CCDC85A: variants seen among roughly 807,000 people sequenced by gnomAD.
CCDC85A encodes the protein coiled-coil domain-containing protein 85A.
CCDC85A carries 38 observed loss-of-function variants against 50.2 expected under a neutral mutation model. The observed-to-expected ratio is 0.76, with a 90% CI of 0.58 to 0.99. CCDC85A has a LOEUF of 0.99. Ranked by LOEUF, CCDC85A falls within the 50% of genes least tolerant of loss-of-function variation. The pLI is 0.00. For missense variants in CCDC85A, 820 were observed against 742.0 expected, an observed-to-expected ratio of 1.11 and a Z score of -1.22; for synonymous variants, 366 against 301.4, an observed-to-expected ratio of 1.21 and a Z score of -2.22.
At chr2:56,206,748 G>A (rs1009161873) in intron 2 of CCDC85A, among the ~76,000 whole-genome samples, 2 of 152,136 alleles carry the variant, frequency 1.3e-5, no homozygotes, top group Non-Finnish European at 2.9e-5. Flanking sequence ...TCAAACCACA[G>A]CATTAAGGGT....
At chr2:56,232,596 G>A (rs142276818) in intron 2 of CCDC85A, among the ~76,000 whole-genome samples, 1 of 152,112 alleles carries the variant, frequency 6.6e-6, no homozygotes, top group Admixed American at 6.6e-5. Flanking sequence ...CCTGTGAAGA[G>A]GTGCCTTCCA....
chr2:56,228,689 T>C (rs1209854728), intron 2 of CCDC85A, among the ~76,000 whole-genome samples: 2 of 151,966 alleles, frequency 1.3e-5, no homozygotes, highest in Admixed American at 6.6e-5. Context: ...CCCACCCCCA[T>C]GCCTGGCTAA....
intron 2 of CCDC85A, among the ~76,000 whole-genome samples, chr2:56,276,239 G>A (rs886191684): frequency 2.1e-4 from 30 of 144,218 alleles, no homozygotes; most frequent in African/African-American, 7.5e-4. Context: ...TGGCTAACAA[G>A]GTTATGGACC....
intron 2 of CCDC85A, among the ~76,000 whole-genome samples, chr2:56,196,426 A>G (rs1676521971): frequency 6.6e-6 from 1 of 152,222 alleles, no homozygotes; most frequent in Admixed American, 6.5e-5. Context: ...TTGAATAACC[A>G]TTGTCATTTA....
intron 2 of CCDC85A, among the ~76,000 whole-genome samples, chr2:56,248,594 C>T (rs187453352): frequency 1.7e-3 from 254 of 152,264 alleles, no homozygotes; most frequent in Middle Eastern, 3.4e-3. Flanking sequence ...AAGTGGCTTC[C>T]GACAAGGCAG....
At chr2:56,252,500 G>A (rs891097926) in intron 2 of CCDC85A, among the ~76,000 whole-genome samples, 1 of 152,212 alleles carries the variant, frequency 6.6e-6, no homozygotes, top group East Asian at 1.9e-4. Context: ...TGCATAGTAC[G>A]TAAAAGGAGA....
At chr2:56,308,352 C>T (rs1398415231) in intron 2 of CCDC85A, among the ~76,000 whole-genome samples, 1 of 152,154 alleles carries the variant, frequency 6.6e-6, no homozygotes, top group African/African-American at 2.4e-5. Flanking sequence ...ACAAATTTAT[C>T]CAAGAGGTCT....
intron 2 of CCDC85A, among the ~76,000 whole-genome samples, chr2:56,269,024 C>G (rs762782914): frequency 1.4e-4 from 22 of 152,136 alleles, no homozygotes; most frequent in Non-Finnish European, 2.8e-4. Context: ...TTTCCATAGA[C>G]TAGTTTTTGG....
chr2:56,367,192 CTCTT>C (rs1173972746), intron 3 of CCDC85A, among the ~76,000 whole-genome samples: 3 of 152,156 alleles, frequency 2.0e-5, no homozygotes, highest in Non-Finnish European at 4.4e-5. Context: ...ATCTCAAGAA[CTCTT>C]TCCTTTGGAC....
chr2:56,247,279 A>C (rs1250069459), intron 2 of CCDC85A, among the ~76,000 whole-genome samples: 2 of 152,218 alleles, frequency 1.3e-5, no homozygotes, highest in Non-Finnish European at 2.9e-5. Flanking sequence ...TAACCCTCTC[A>C]TATCCAGTGA....
chr2:56,265,242 A>G (rs942561581), intron 2 of CCDC85A, among the ~76,000 whole-genome samples: 1 of 152,218 alleles, frequency 6.6e-6, no homozygotes, highest in Non-Finnish European at 1.5e-5. Context: ...CCCCTTTGCC[A>G]GATGTGTCAA....
At chr2:56,190,947 G>A (rs889859248) in intron 1 of CCDC85A, among the ~76,000 whole-genome samples, 1 of 152,082 alleles carries the variant, frequency 6.6e-6, no homozygotes, top group Non-Finnish European at 1.5e-5. Flanking sequence ...AGCCTTTCCC[G>A]TCGCTGACCA....
At chr2:56,277,758 C>T (rs558674869) in intron 2 of CCDC85A, among the ~76,000 whole-genome samples, 5 of 152,234 alleles carry the variant, frequency 3.3e-5, no homozygotes, top group African/African-American at 7.2e-5. Flanking sequence ...GGCGCAGAGT[C>T]TCCTAAGGAG....
intron 2 of CCDC85A, among the ~76,000 whole-genome samples, chr2:56,322,491 A>G (rs1464192887): frequency 1.3e-5 from 2 of 152,198 alleles, no homozygotes; most frequent in Non-Finnish European, 2.9e-5. Flanking sequence ...ATGGATATGA[A>G]CAGACAATTC....
At chr2:56,372,218 C>G in intron 3 of CCDC85A, 126 bp from the exon 4 acceptor site, 1 of 839,592 alleles carries the variant, frequency 1.2e-6, no homozygotes, top group South Asian at 3.6e-5. Flanking sequence ...GCTACAGGTG[C>G]ATGTTACAGC....
chr2:56,350,172 AT>A (rs35540839), intron 3 of CCDC85A, among the ~76,000 whole-genome samples: 60,776 of 135,740 alleles, frequency 0.45, 14,625 homozygotes, highest in African/African-American at 0.71. Flanking sequence ...TTCTTCTCTT[AT>A]TTTTTTTTTT....
intron 2 of CCDC85A, among the ~76,000 whole-genome samples, chr2:56,239,916 T>G (rs1669180741): frequency 6.6e-6 from 1 of 152,152 alleles, no homozygotes; most frequent in African/African-American, 2.4e-5. Flanking sequence ...TGTTTTATGG[T>G]AAGTTTATAA....
chr2:56,305,455 C>T (rs1672401696), intron 2 of CCDC85A, among the ~76,000 whole-genome samples: 1 of 152,180 alleles, frequency 6.6e-6, no homozygotes. Flanking sequence ...TCTTTGGTTC[C>T]TGTGCTGTTA....
In CCDC85A at chr2:56,375,708, A is replaced by G. The variant is rs13389257; in HGVS notation, c.1453-108A>G. 9,690 of 1,200,174 alleles carry G rather than the reference A, an allele frequency of 8.1e-3. 521 individuals carry two copies. The African/African-American group carries it at 0.13, about 16-fold the overall frequency. The allele number at this position is 1,200,174 out of a possible 1,614,324, so 74.3% of individuals were successfully genotyped here. On this transcript the variant is annotated intron_variant, in intron 4 of 5. Coordinates refer to ENST00000407595, the MANE Select transcript of CCDC85A (RefSeq NM_001080433.2). ...ATTGTAGACTAGGTTAGGAAAAAGT[A>G]ACAAAATGGCTAATTCTCATTTGGT...
Sources: allele counts gnomAD v4.1 joint callset (sites outside exome capture counted in the v4.1 genomes callset), GRCh38; gene constraint gnomAD v4.1.1; transcripts MANE v1.5; gene names NCBI Gene and HGNC (gene_info 2026-07-23, HGNC 2026-07-21).